Variants in SLC2A9 observed in about 807,000 individuals in gnomAD.
The protein encoded by SLC2A9 is solute carrier family 2, facilitated glucose transporter member 9.
A neutral mutation model predicts 50.6 loss-of-function variants in SLC2A9; 39 were observed. The ratio of observed to expected loss-of-function variants is 0.77; its 90% confidence interval spans 0.60 to 1.01. The LOEUF (loss-of-function observed/expected upper bound fraction) is 1.01, where lower values mean the gene tolerates loss of function less well. Among genes scored for constraint, SLC2A9 ranks in the 50% least tolerant of loss-of-function variants. SLC2A9 has a pLI of 0.00. For synonymous variants in SLC2A9, 324 were observed against 276.9 expected (o/e 1.17, Z -1.69); for missense variants, 686 against 677.6 (o/e 1.01, Z -0.14).
chr4:9,826,913 T>C (rs1431200343), intron 11 of SLC2A9, among the ~76,000 whole-genome samples: 1 of 152,200 alleles, frequency 6.6e-6, no homozygotes, highest in Non-Finnish European at 1.5e-5. Flanking sequence ...AATATTAGCT[T>C]AAGCTTATAT....
downstream of SLC2A9, among the ~76,000 whole-genome samples, chr4:9,778,057 C>T (rs956565536): frequency 5.1e-3 from 15 of 2,932 alleles, no homozygotes; most frequent in African/African-American, 0.016. Context: ...TCTTTCTTTC[C>T]TTCCTTCCTT....
intron 5 of SLC2A9, among the ~76,000 whole-genome samples, chr4:9,945,852 T>C (rs904403034): frequency 1.6e-4 from 24 of 152,222 alleles, no homozygotes; most frequent in African/African-American, 5.8e-4. Context: ...AGTGGTTCAA[T>C]ACATGTCTAT....
intron 8 of SLC2A9, among the ~76,000 whole-genome samples, chr4:9,899,575 GCTCT>G (rs1429400370): frequency 2.6e-5 from 4 of 152,102 alleles, no homozygotes; most frequent in Non-Finnish European, 5.9e-5. Flanking sequence ...CTTGGGACAG[GCTCT>G]CTCTAAGTTA....
downstream of SLC2A9, among the ~76,000 whole-genome samples, chr4:9,797,782 C>T (rs1222168665): frequency 6.6e-6 from 1 of 152,238 alleles, no homozygotes; most frequent in African/African-American, 2.4e-5. Context: ...ACACTTTCTC[C>T]ATGATCCTAC....
chr4:9,867,378 A>T (rs575863975), intron 10 of SLC2A9, among the ~76,000 whole-genome samples: 1 of 152,326 alleles, frequency 6.6e-6, no homozygotes, highest in East Asian at 1.9e-4. Flanking sequence ...CTGGAGTAGA[A>T]TGTCTCCCTT....
intron 3 of SLC2A9, among the ~76,000 whole-genome samples, chr4:9,994,315 G>T (rs145244387): frequency 2.1e-4 from 32 of 152,350 alleles, no homozygotes; most frequent in Non-Finnish European, 3.7e-4. Flanking sequence ...GAGGTCAATA[G>T]ATGGTAGCTT....
intron 3 of SLC2A9, among the ~76,000 whole-genome samples, chr4:9,792,346 T>G (rs1720044968): frequency 6.6e-6 from 1 of 150,388 alleles, no homozygotes; most frequent in Middle Eastern, 3.4e-3. Context: ...CTGGATAGTT[T>G]TTTTTTTTTT....
At chr4:9,828,297 C>T (rs1222898451) in intron 11 of SLC2A9, among the ~76,000 whole-genome samples, 1 of 152,236 alleles carries the variant, frequency 6.6e-6, no homozygotes, top group Non-Finnish European at 1.5e-5. Flanking sequence ...AAGCCACCAT[C>T]ATGTTTTGCT....
intron 11 of SLC2A9, among the ~76,000 whole-genome samples, chr4:9,832,260 G>A (rs1172197794): frequency 6.6e-6 from 1 of 152,124 alleles, no homozygotes; most frequent in Non-Finnish European, 1.5e-5. Context: ...GGGGTTGGGG[G>A]ATGTGACTCA....
At chr4:9,871,413 T>G (rs1733414739) in intron 10 of SLC2A9, among the ~76,000 whole-genome samples, 5 of 152,168 alleles carry the variant, frequency 3.3e-5, no homozygotes, top group Admixed American at 3.3e-4. Flanking sequence ...CAGAGTTGGT[T>G]CTCTCTGCAG....
intron 2 of SLC2A9, among the ~76,000 whole-genome samples, chr4:10,017,489 A>G (rs1442705601): frequency 2.0e-5 from 3 of 152,250 alleles, no homozygotes; most frequent in Non-Finnish European, 4.4e-5. Context: ...CTGGTTTTCA[A>G]ACAGTTTTTA....
At chr4:9,886,269 T>C (rs1736187417) in intron 10 of SLC2A9, among the ~76,000 whole-genome samples, 1 of 152,112 alleles carries the variant, frequency 6.6e-6, no homozygotes, top group South Asian at 2.1e-4. Flanking sequence ...GGATGTGAGG[T>C]TGTGATGCAG....
chr4:9,987,401 T>A (rs886958881), intron 3 of SLC2A9, among the ~76,000 whole-genome samples: 7 of 152,198 alleles, frequency 4.6e-5, no homozygotes, highest in Non-Finnish European at 1.0e-4. Flanking sequence ...ATTACAGGCG[T>A]GAGCCACTGC....
At chr4:9,910,837 T>C (rs1330903541) in intron 7 of SLC2A9, among the ~76,000 whole-genome samples, 1 of 152,236 alleles carries the variant, frequency 6.6e-6, no homozygotes. Flanking sequence ...GGGACAGTTA[T>C]AACTTTTGCA....
chr4:9,914,229 C>T (rs936796730), intron 7 of SLC2A9, among the ~76,000 whole-genome samples: 3 of 152,218 alleles, frequency 2.0e-5, no homozygotes, highest in East Asian at 3.9e-4. Flanking sequence ...TGGAATTACC[C>T]GAGAGGTGAG....
chr4:9,978,701 A>G (rs1234583466), intron 5 of SLC2A9, among the ~76,000 whole-genome samples: 3 of 152,234 alleles, frequency 2.0e-5, no homozygotes, highest in Non-Finnish European at 4.4e-5. Context: ...CACAAATGTA[A>G]AATGTGAGTT....
At chr4:9,783,518 C>T (rs1343764456) in intron 3 of SLC2A9, 21 of 1,452,470 alleles carry the variant, frequency 1.4e-5, no homozygotes, top group Non-Finnish European at 1.8e-5. Context: ...CATTGACAAG[C>T]ACGCACACAC....
At position 9,920,413 on chromosome 4, in the gene SLC2A9, G is replaced by A. The variant is rs369969137; in HGVS notation, c.974C>T (p.Ala325Val). The A allele has an allele frequency of 1.3e-5, 21 of 1,614,054 alleles. No homozygotes were observed. The African/African-American group carries it at 2.1e-4, about 16-fold the overall frequency. The change falls in exon 7 of 12, where the codon GCC (alanine) becomes GTC (valine). Residue 325 changes from alanine (A) to valine (V), a missense_variant. By Grantham distance (64) the Ala-to-Val change is moderately conservative (BLOSUM62 0). Coordinates refer to ENST00000264784, the MANE Select transcript of SLC2A9 (RefSeq NM_020041.3). The stretch of plus-strand genomic sequence containing the variant: ...ATTGAGGCCACAGAGCTGGTAGCAG[G>A]CCATGGTGACAATCACGGTGACCAC... The part of the protein sequence containing the change: ...WQVVTVIVTM[A>V]CYQLCGLNAI...
At chr4:9,807,577 C>T (rs1013068497) in intron 3 of SLC2A9, among the ~76,000 whole-genome samples, 1 of 152,134 alleles carries the variant, frequency 6.6e-6, no homozygotes, top group African/African-American at 2.4e-5. Context: ...CAGTGCATAG[C>T]ATCAGTGTGT....
Sources: allele counts gnomAD v4.1 joint callset (sites outside exome capture counted in the v4.1 genomes callset), GRCh38; gene constraint gnomAD v4.1.1; transcripts MANE v1.5; gene names NCBI Gene and HGNC (gene_info 2026-07-23, HGNC 2026-07-21).